Variants in DPRX observed in about 807,000 individuals in gnomAD.
The protein encoded by DPRX is divergent paired-related homeobox.
A neutral mutation model predicts 8.4 loss-of-function variants in DPRX; 11 were observed. The ratio of observed to expected loss-of-function variants is 1.31; its 90% CI spans 0.82 to 2.17. The LOEUF (loss-of-function observed/expected upper bound fraction) is 2.17. Among genes scored for constraint, DPRX ranks in the 30% most tolerant of loss-of-function variants. The probability of loss-of-function intolerance (pLI) is 0.00; values close to 1 mark genes in which losing one functional copy is unlikely to be tolerated. For missense variants in DPRX, 211 were observed against 236.7 expected (o/e 0.89, Z 0.71); for synonymous variants, 72 against 87.0 (o/e 0.83, Z 0.96).
upstream of DPRX, chr19:53,629,747 AC>A (rs1183438604): frequency 6.6e-6 from 1 of 151,974 alleles, no homozygotes; most frequent in Non-Finnish European, 1.5e-5. Flanking sequence ...TAATCCCAGC[AC>A]TTTGGGAGGC....
chr19:53,610,806 T>G, the DPRX span, among the ~76,000 whole-genome samples: 4 of 152,176 alleles, frequency 2.6e-5, no homozygotes, highest in Non-Finnish European at 4.4e-5. Context: ...AGACAATTCT[T>G]CTTCTTCCAA....
chr19:53,629,886 G>C (rs777324030), upstream of DPRX: 1 of 151,660 alleles, frequency 6.6e-6, no homozygotes, highest in Non-Finnish European at 1.5e-5. Context: ...TGGGGAAATG[G>C]TCTAGGTTGA....
chr19:53,610,649 G>A, the DPRX span, among the ~76,000 whole-genome samples: 13 of 152,284 alleles, frequency 8.5e-5, no homozygotes, highest in South Asian at 2.5e-3. Context: ...TCCAACCAGC[G>A]GCCCATAGGC....
At chr19:53,623,311 A>C in the DPRX span, among the ~76,000 whole-genome samples, 1 of 12,540 alleles carries the variant, frequency 8.0e-5, no homozygotes, top group Non-Finnish European at 2.5e-4. Context: ...TGTCTCAAAA[A>C]AATAAATAAA....
At chr19:53,613,839 T>A in the DPRX span, among the ~76,000 whole-genome samples, 4 of 152,080 alleles carry the variant, frequency 2.6e-5, no homozygotes, top group African/African-American at 9.7e-5. Context: ...ACTTCTCCAA[T>A]GACGAAGGAG....
the DPRX span, among the ~76,000 whole-genome samples, chr19:53,616,534 C>T: frequency 2.0e-5 from 3 of 152,016 alleles, no homozygotes; most frequent in East Asian, 1.9e-4. Context: ...GCGGGTGGAT[C>T]ACTTGAGGTC....
the DPRX span, chr19:53,601,857 G>A: frequency 2.7e-6 from 1 of 368,038 alleles, no homozygotes; most frequent in South Asian, 2.0e-5. Flanking sequence ...ATATGTGGGG[G>A]CTGGAGGGGG....
At chr19:53,606,017 C>CT in the DPRX span, 16 of 151,750 alleles carry the variant, frequency 1.1e-4, no homozygotes, top group African/African-American at 3.7e-4. The surrounding 1 kb of genome is among the most constrained non-coding windows in gnomAD (Gnocchi z 4.8). Flanking sequence ...TAATAGCCAA[C>CT]TTTTTAAAAA....
chr19:53,602,886 C>T, the DPRX span, among the ~76,000 whole-genome samples: 3 of 151,944 alleles, frequency 2.0e-5, no homozygotes, highest in South Asian at 6.2e-4. Context: ...CCATGTTGGC[C>T]AGGCTGGTCT....
chr19:53,623,764 A>G, the DPRX span, among the ~76,000 whole-genome samples: 2 of 152,098 alleles, frequency 1.3e-5, no homozygotes, highest in African/African-American at 4.8e-5. Flanking sequence ...CAGCCTGGCC[A>G]ACATGGTGAA....
chr19:53,623,032 C>A, the DPRX span, among the ~76,000 whole-genome samples: 128,943 of 151,940 alleles, frequency 0.85, 55,008 homozygotes, highest in African/African-American at 0.92. Context: ...TGGGCCAAGC[C>A]CGGTGGCTCA....
chr19:53,613,203 C>A, the DPRX span, among the ~76,000 whole-genome samples: 2 of 152,050 alleles, frequency 1.3e-5, no homozygotes, highest in Non-Finnish European at 1.5e-5. Flanking sequence ...GGTTTCTGAG[C>A]CCCAATATTA....
exon 2 of DPRX, chr19:53,634,649 G>C: frequency 6.2e-7 from 1 of 1,613,924 alleles, no homozygotes; most frequent in Non-Finnish European, 8.5e-7. Flanking sequence ...AGAAAGAAAT[G>C]GCCTCGAAAA....
exon 3 of DPRX, chr19:53,636,604 C>A (rs898933951): frequency 1.9e-6 from 3 of 1,609,058 alleles, no homozygotes; most frequent in African/African-American, 2.7e-5. Context: ...AGGTCTGGTT[C>A]AAGAATCACA....
chr19:53,617,357 G>A, the DPRX span: 10 of 494,112 alleles, frequency 2.0e-5, no homozygotes, highest in Non-Finnish European at 3.0e-5. Context: ...TCAGGAGTTC[G>A]AGATCAGCCT....
chr19:53,623,766 C>T, the DPRX span, among the ~76,000 whole-genome samples: 1 of 152,046 alleles, frequency 6.6e-6, no homozygotes, highest in Non-Finnish European at 1.5e-5. Context: ...GCCTGGCCAA[C>T]ATGGTGAAAC....
the DPRX span, among the ~76,000 whole-genome samples, chr19:53,621,674 G>A: frequency 6.6e-6 from 1 of 151,868 alleles, no homozygotes; most frequent in Non-Finnish European, 1.5e-5. Flanking sequence ...AATCCCAGCT[G>A]CTAGGGAGGT....
the DPRX span, among the ~76,000 whole-genome samples, chr19:53,620,742 G>A: frequency 3.7e-4 from 57 of 152,038 alleles, 1 homozygote; most frequent in East Asian, 0.011. Flanking sequence ...AGGCTGGAGT[G>A]CAGTGGCATG....
At chr19:53,634,817 T>A in intron 2 of DPRX, 132 bp downstream of exon 2, 1 of 1,283,208 alleles carries the variant, frequency 7.8e-7, no homozygotes, top group Non-Finnish European at 1.0e-6. Flanking sequence ...CCTACTCACG[T>A]CCCCGTAAAC....
Sources: gnomAD v4.1 joint callset for allele counts (sites outside exome capture counted in the v4.1 genomes callset) on GRCh38, gnomAD v4.1.1 for gene constraint, Gnocchi (gnomAD v3.1) non-coding constraint, MANE v1.5 for transcripts, NCBI Gene and HGNC (gene_info 2026-07-23, HGNC 2026-07-21) for gene names.